ATP6V1A: variants seen among roughly 807,000 people sequenced by gnomAD.
ATP6V1A encodes V-type proton ATPase catalytic subunit A.
Under a neutral mutation model 70.1 loss-of-function variants are expected in ATP6V1A, and 18 were observed. That is an observed-to-expected ratio of 0.26 (90% CI 0.18 to 0.38). The LOEUF is 0.38. ATP6V1A is among the 10% of genes least tolerant of loss of function. The pLI is 1.00. For synonymous variants in ATP6V1A, 232 were observed against 253.8 expected, an observed-to-expected ratio of 0.91 and a Z score of 0.82; for missense variants, 424 against 772.4, an observed-to-expected ratio of 0.55 and a Z score of 5.35.
At chr3:113,809,127 C>T (rs957186035) in intron 14 of ATP6V1A, among the ~76,000 whole-genome samples, 7 of 151,652 alleles carry the variant, frequency 4.6e-5, no homozygotes, top group African/African-American at 1.5e-4. Flanking sequence ...TGATGGTGGG[C>T]GCCTGTAATC....
chr3:113,755,093 G>A (rs1331512258), intron 1 of ATP6V1A, among the ~76,000 whole-genome samples: 1 of 152,058 alleles, frequency 6.6e-6, no homozygotes, highest in Non-Finnish European at 1.5e-5. Context: ...AATAATTTTA[G>A]AGTAGTATTA....
In ATP6V1A at chr3:113,778,397, AAAAC is replaced by A. The variant is rs556259909; in HGVS notation, c.-13-324_-13-321del. 8.3e-4 allele frequency among the ~76,000 whole-genome samples: 126 copies of A among 151,848 alleles called. 2 individuals are homozygous for A. The South Asian group carries it at 0.021, about 25-fold the overall frequency. On this transcript the variant is annotated intron_variant, in intron 1 of 14. Transcript: ENST00000273398. ...TGGTGGAGTTAGACTCTGTCTCAAA[AAAAC>A]AAACAAACAAACAAACAAAAAACTA... is the stretch of plus-strand genomic sequence containing the variant.
At chr3:113,781,565 A>C (rs1460876775) in intron 3 of ATP6V1A, among the ~76,000 whole-genome samples, 1 of 152,190 alleles carries the variant, frequency 6.6e-6, no homozygotes, top group African/African-American at 2.4e-5. Context: ...TGGAAGCAGC[A>C]AAGCAGCAAC....
intron 1 of ATP6V1A, among the ~76,000 whole-genome samples, chr3:113,751,038 A>C (rs944253168): frequency 6.6e-6 from 1 of 152,180 alleles, no homozygotes; most frequent in African/African-American, 2.4e-5. Context: ...GCTTGTAATC[A>C]TTAATGTATG....
intron 1 of ATP6V1A, among the ~76,000 whole-genome samples, chr3:113,754,128 A>G (rs1708620658): frequency 6.6e-6 from 1 of 152,202 alleles, no homozygotes; most frequent in Admixed American, 6.5e-5. Context: ...TGTGTATATG[A>G]TGGATTATGG....
chr3:113,770,650 G>T (rs1372098734), intron 1 of ATP6V1A, among the ~76,000 whole-genome samples: 1 of 152,116 alleles, frequency 6.6e-6, no homozygotes, highest in Non-Finnish European at 1.5e-5. Context: ...CCGCACTCCA[G>T]CCTGGGTAGC....
intron 1 of ATP6V1A, among the ~76,000 whole-genome samples, chr3:113,758,711 A>G (rs1708671504): frequency 6.6e-6 from 1 of 152,218 alleles, no homozygotes; most frequent in African/African-American, 2.4e-5. Flanking sequence ...GCTGAATCAT[A>G]TGGTAAGTGT....
At chr3:113,793,601 TAAGA>T (rs1172926848) in intron 8 of ATP6V1A, among the ~76,000 whole-genome samples, 1 of 152,214 alleles carries the variant, frequency 6.6e-6, no homozygotes. Context: ...CATGCTTGTA[TAAGA>T]AAGAATCTGT....
In ATP6V1A at chr3:113,803,568, C is replaced by A. The variant is rs947533817; in HGVS notation, c.1495-15C>A. On this transcript the variant is annotated splice_polypyrimidine_tract_variant and intron_variant, in intron 12 of 14. Coordinates refer to ENST00000273398, the MANE Select transcript of ATP6V1A (RefSeq NM_001690.4). ...TTTTAGAGTAAATGTCTAAAAATAT[C>A]TTTTTCTCTTCTAGGCTTCTTTGGC... 1.9e-6 allele frequency: 3 copies of A among 1,566,682 alleles called. No homozygotes were observed. The highest frequency in any genetic ancestry group is 1.7e-4 in the Middle Eastern group (1 of 5,782).
intron 8 of ATP6V1A, among the ~76,000 whole-genome samples, chr3:113,791,500 G>T (rs1202455546): frequency 6.8e-6 from 1 of 146,794 alleles, no homozygotes; most frequent in Non-Finnish European, 1.5e-5. Flanking sequence ...TTTTATTTTT[G>T]TTTAGATATC....
chr3:113,774,747 A>T (rs1270905305), intron 1 of ATP6V1A, among the ~76,000 whole-genome samples: 1 of 151,176 alleles, frequency 6.6e-6, no homozygotes, highest in African/African-American at 2.4e-5. Flanking sequence ...TCAGAGGTGG[A>T]GGTTGCAGTG....
chr3:113,789,917 C>CT, intron 8 of ATP6V1A, 77 bp downstream of exon 8: 1 of 1,055,684 alleles, frequency 9.5e-7, no homozygotes, highest in Non-Finnish European at 1.4e-6. Flanking sequence ...TTCTAAAGAG[C>CT]TTTTTACTTT....
intron 8 of ATP6V1A, among the ~76,000 whole-genome samples, chr3:113,790,331 A>G (rs1172618707): frequency 6.7e-6 from 1 of 150,302 alleles, no homozygotes; most frequent in Non-Finnish European, 1.5e-5. Flanking sequence ...AAAAAAATTT[A>G]CTTACTATGT....
chr3:113,784,833 T>G lies in ATP6V1A; in HGVS notation c.564T>G (p.Ser188=). Residue 188 remains serine (S), a splice_region_variant and synonymous_variant, in exon 5 of 15, where the codon TCT becomes TCG. Transcript: ENST00000273398. The part of the protein sequence containing the change: ...YIAPPGNYDT[S]DVVLELEFEG... ...CTCCACCTGGGAATTATGATACCTC[T>G]GTAAGTATCATTTGAACTTTATCCT... The G allele has an allele frequency of 1.2e-6, 2 of 1,613,914 alleles. No homozygotes were observed. Among genetic ancestry groups the G allele is most frequent in the Non-Finnish European group, 1.7e-6 (2 of 1,179,834 alleles).
At chr3:113,808,287 C>CTTTTTTTT (rs748064694) in intron 14 of ATP6V1A, among the ~76,000 whole-genome samples, 2 of 89,814 alleles carry the variant, frequency 2.2e-5, no homozygotes, top group African/African-American at 4.5e-5. Flanking sequence ...AAGTCTGTCT[C>CTTTTTTTT]TTTTTTTTTT....
rs373010547 is a variant in ATP6V1A, at chr3:113,779,505, TA to T, written c.82+674del. Among the ~76,000 whole-genome samples, 104 of 152,340 alleles carry T rather than the reference TA, an allele frequency of 6.8e-4. 3 individuals are homozygous for T. Among genetic ancestry groups the T allele is most frequent in the African/African-American group, 2.3e-3 (94 of 41,584 alleles). ...AACCTGGTCAGTGATGTATTATCCT[TA>T]AAACCTCATGCTATATAGTCTTTTT... On this transcript the variant is annotated intron_variant, in intron 2 of 14. Transcript: ENST00000273398.
intron 3 of ATP6V1A, among the ~76,000 whole-genome samples, chr3:113,782,976 G>A (rs975347828): frequency 3.9e-5 from 6 of 152,066 alleles, no homozygotes; most frequent in African/African-American, 1.4e-4. Flanking sequence ...GATAAATATA[G>A]TAAAATGTTA....
chr3:113,751,187 TA>T (rs1559746680), intron 1 of ATP6V1A, among the ~76,000 whole-genome samples: 1 of 152,070 alleles, frequency 6.6e-6, no homozygotes, highest in Non-Finnish European at 1.5e-5. Flanking sequence ...TTTGTCTTTT[TA>T]AAAAAATTAA....
intron 2 of ATP6V1A, 116 bp from the exon 3 acceptor site, chr3:113,780,934 C>T (rs1708970556): frequency 7.1e-7 from 1 of 1,399,112 alleles, no homozygotes; most frequent in South Asian, 1.5e-5. Context: ...TTTTATCCTT[C>T]TTATGAATAT....
Sources: gnomAD v4.1 joint callset for allele counts (sites outside exome capture counted in the v4.1 genomes callset) on GRCh38, gnomAD v4.1.1 for gene constraint, MANE v1.5 for transcripts, NCBI Gene and HGNC (gene_info 2026-07-23, HGNC 2026-07-21) for gene names.